Variants in MECOM observed in about 807,000 individuals in gnomAD.
MECOM encodes the protein histone-lysine N-methyltransferase MECOM.
In MECOM, 13 loss-of-function variants were observed where a neutral mutation model predicts 116.3. The ratio of observed to expected loss-of-function variants is 0.11; its 90% CI spans 0.07 to 0.18. The LOEUF (loss-of-function observed/expected upper bound fraction) is 0.18, where lower values mean the gene tolerates loss of function less well. Ranked by LOEUF, MECOM falls within the 10% of genes least tolerant of loss-of-function variation. The probability of loss-of-function intolerance (pLI) is 1.00; values close to 1 mark genes in which losing one functional copy is unlikely to be tolerated. For synonymous variants in MECOM, 528 were observed against 535.2 expected, an observed-to-expected ratio of 0.99 and a Z score of 0.19; for missense variants, 1,299 against 1,509.0, an observed-to-expected ratio of 0.86 and a Z score of 2.31.
chr3:169,458,247 A>G (rs1436681922), intron 1 of MECOM, among the ~76,000 whole-genome samples: 2 of 152,288 alleles, frequency 1.3e-5, no homozygotes, highest in East Asian at 3.9e-4. Flanking sequence ...GCTGAAACAA[A>G]CCAAGATTAA....
At chr3:169,512,410 T>C (rs1260208588) in intron 1 of MECOM, among the ~76,000 whole-genome samples, 2 of 152,242 alleles carry the variant, frequency 1.3e-5, no homozygotes, top group Non-Finnish European at 2.9e-5. Flanking sequence ...TCCTCATCTC[T>C]GTGAGAGGCA....
chr3:169,221,605 T>C (rs1317873796), intron 2 of MECOM, among the ~76,000 whole-genome samples: 2 of 150,258 alleles, frequency 1.3e-5, no homozygotes, highest in African/African-American at 4.9e-5. Context: ...CTCCTGGAAG[T>C]CACTCTGGTC....
chr3:169,454,557 T>G (rs1351605895), intron 1 of MECOM, among the ~76,000 whole-genome samples: 1 of 152,144 alleles, frequency 6.6e-6, no homozygotes, highest in Admixed American at 6.5e-5. Flanking sequence ...GGAGAAAGTT[T>G]TAAGACAGAT....
intron 1 of MECOM, among the ~76,000 whole-genome samples, chr3:169,491,526 C>T (rs572947069): frequency 1.5e-4 from 23 of 152,240 alleles, no homozygotes; most frequent in African/African-American, 5.5e-4. Context: ...AATAATCAAA[C>T]ATCTTTGAAA....
intron 10 of MECOM, among the ~76,000 whole-genome samples, chr3:169,104,103 A>G (rs192531558): frequency 1.6e-4 from 24 of 152,312 alleles, no homozygotes; most frequent in Admixed American, 9.8e-4. Flanking sequence ...GGTTTGATTC[A>G]TAATCACTCA....
chr3:169,607,217 T>C (rs1768698879), intron 1 of MECOM, among the ~76,000 whole-genome samples: 1 of 152,210 alleles, frequency 6.6e-6, no homozygotes, highest in Non-Finnish European at 1.5e-5. Context: ...GAATTCAAAC[T>C]CAGGTTTTTT....
At chr3:169,339,164 G>A (rs1377558465) in intron 2 of MECOM, among the ~76,000 whole-genome samples, 1 of 152,104 alleles carries the variant, frequency 6.6e-6, no homozygotes, top group Non-Finnish European at 1.5e-5. Flanking sequence ...CCCCTCCCCT[G>A]TTTTATTATC....
chr3:169,136,396 T>G lies in MECOM; in HGVS notation c.511-4865A>C, dbSNP rs1258175656. Among the ~76,000 whole-genome samples, 3 of 151,286 alleles carry G rather than the reference T, an allele frequency of 2.0e-5. No homozygotes were observed. The East Asian group carries it at 5.8e-4, about 29-fold the overall frequency. On this transcript the variant is annotated intron_variant, in intron 3 of 16. Coordinates refer to ENST00000651503, the MANE Select transcript of MECOM (RefSeq NM_004991.4). The stretch of plus-strand genomic sequence containing the variant: ...GCACATGATTAATTCTTATTATATA[T>G]CATACAAGTTATATGTAATTATATA...
intron 1 of MECOM, among the ~76,000 whole-genome samples, chr3:169,382,633 A>G (rs992198208): frequency 5.3e-5 from 8 of 152,056 alleles, no homozygotes; most frequent in Non-Finnish European, 2.9e-5. Context: ...GGAAGGAACT[A>G]AGAAAAACAG....
At chr3:169,247,584 G>C (rs572428373) in intron 2 of MECOM, among the ~76,000 whole-genome samples, 1 of 152,226 alleles carries the variant, frequency 6.6e-6, no homozygotes, top group Non-Finnish European at 1.5e-5. Flanking sequence ...GATTACAGGC[G>C]TGAGCCACTG....
chr3:169,465,010 A>G (rs1430481778), intron 1 of MECOM, among the ~76,000 whole-genome samples: 1 of 152,148 alleles, frequency 6.6e-6, no homozygotes, highest in East Asian at 1.9e-4. Flanking sequence ...TTTATGTGGA[A>G]GAATTTTTTC....
intron 2 of MECOM, among the ~76,000 whole-genome samples, chr3:169,157,396 A>C (rs1460076735): frequency 3.3e-5 from 5 of 152,224 alleles, no homozygotes; most frequent in Non-Finnish European, 5.9e-5. Context: ...ATTTCATTTC[A>C]CTATTTCAAT....
intron 2 of MECOM, among the ~76,000 whole-genome samples, chr3:169,351,488 A>G (rs1276185022): frequency 1.3e-5 from 2 of 151,896 alleles, no homozygotes; most frequent in South Asian, 2.1e-4. Flanking sequence ...AACCCTCAAA[A>G]GAAGCATTAT....
chr3:169,420,965 A>G (rs1463011144), intron 1 of MECOM, among the ~76,000 whole-genome samples: 1 of 152,150 alleles, frequency 6.6e-6, no homozygotes, highest in Non-Finnish European at 1.5e-5. Context: ...AAAGGACCCT[A>G]ACATTCCATA....
chr3:169,132,150 A>G (rs781579340), intron 3 of MECOM, among the ~76,000 whole-genome samples: 2 of 152,196 alleles, frequency 1.3e-5, no homozygotes, highest in Non-Finnish European at 2.9e-5. Flanking sequence ...TCTCTCTTTG[A>G]AAGTAGGCAT....
chr3:169,378,452 G>GAGA, intron 2 of MECOM, among the ~76,000 whole-genome samples: 1 of 64,598 alleles, frequency 1.5e-5, no homozygotes, highest in Admixed American at 1.8e-4. Flanking sequence ...AAAGAAAGAA[G>GAGA]GAAAGCAAGC....
rs1717099668 is a variant in MECOM at position 169,084,750 on chromosome 3, C to A, written c.*159G>T. 4 of 735,368 alleles carry A rather than the reference C, an allele frequency of 5.4e-6. No individual in the cohort carries two copies. Among genetic ancestry groups the A allele is most frequent in the Non-Finnish European group, 8.2e-6 (4 of 485,186 alleles). The allele number at this position is 735,368 out of a possible 1,614,324, so 45.6% of individuals were successfully genotyped here. On this transcript the variant is annotated 3_prime_UTR_variant, in exon 17 of 17. Transcript: ENST00000651503. ...AGAATAAATAGTTTCTTTTTTCTTT[C>A]TTTTCTTTTTTAAATCATTCAGTTT...
Position 169,112,962 on chromosome 3 carries a change from A to G in MECOM, c.2490-88T>C, listed in dbSNP as rs992603034. 9.5e-6 allele frequency: 9 copies of G among 948,178 alleles called. No individual in the cohort carries two copies. The African/African-American group carries it at 1.5e-4, about 16-fold the overall frequency. The allele number at this position is 948,178 out of a possible 1,614,324, so 58.7% of individuals were successfully genotyped here. On this transcript the variant is annotated intron_variant, in intron 8 of 16. Coordinates refer to ENST00000651503, the MANE Select transcript of MECOM (RefSeq NM_004991.4). ...ACTGACATTTAAAGGAACTAACAAT[A>G]AAGTCAATGGTAGGTTTCTGGGAAG...
At chr3:169,339,518 A>G (rs1724123276) in intron 2 of MECOM, among the ~76,000 whole-genome samples, 1 of 152,212 alleles carries the variant, frequency 6.6e-6, no homozygotes, top group Admixed American at 6.5e-5. Context: ...CTTGCTGCTA[A>G]AAGTGTGATC....
Sources: allele counts gnomAD v4.1 joint callset (sites outside exome capture counted in the v4.1 genomes callset), GRCh38; gene constraint gnomAD v4.1.1; transcripts MANE v1.5; gene names NCBI Gene and HGNC (gene_info 2026-07-23, HGNC 2026-07-21).